The following PCDHA6 variants were observed in gnomAD, a reference collection of about 807,000 sequenced individuals.
PCDHA6 encodes protocadherin alpha-6.
In PCDHA6, 55 loss-of-function variants were observed where a neutral mutation model predicts 60.3. The ratio of observed to expected loss-of-function variants is 0.91; its 90% confidence interval spans 0.73 to 1.14. The LOEUF is 1.14. Among genes scored for constraint, PCDHA6 ranks in the 50% most tolerant of loss-of-function variants. The probability of loss-of-function intolerance (pLI) is 0.00; values close to 1 mark genes in which losing one functional copy is unlikely to be tolerated. For synonymous variants in PCDHA6, 652 were observed against 557.9 expected (o/e 1.17, Z -2.38); for missense variants, 1,327 against 1,256.5 (o/e 1.06, Z -0.85).
At chr5:140,864,124 T>C (rs528215401) in intron 1 of PCDHA6, 4 of 152,368 alleles carry the variant, frequency 2.6e-5, no homozygotes, top group South Asian at 2.1e-4. Flanking sequence ...TGAATTAGAC[T>C]GAGTGGCTGT....
intron 1 of PCDHA6, chr5:140,857,580 C>T: frequency 6.3e-7 from 1 of 1,596,630 alleles, no homozygotes; most frequent in African/African-American, 1.3e-5. Flanking sequence ...TCGGTGCACG[C>T]GGAGAGCGGC....
At chr5:140,838,084 G>A (rs1419465245) in intron 1 of PCDHA6, among the ~76,000 whole-genome samples, 2 of 31,492 alleles carry the variant, frequency 6.4e-5, no homozygotes, top group East Asian at 1.1e-3. Context: ...TATAGTGTGT[G>A]TGTGTGTGTG....
chr5:140,903,211 C>T (rs1457584095), intron 1 of PCDHA6, among the ~76,000 whole-genome samples: 1 of 152,174 alleles, frequency 6.6e-6, no homozygotes, highest in African/African-American at 2.4e-5. Context: ...TCACCACATT[C>T]ATGCCAACAT....
At position 141,011,529 on chromosome 5, in the gene PCDHA6, G is replaced by A. The variant is rs2098420955; in HGVS notation, c.*1592G>A. On this transcript the variant is annotated 3_prime_UTR_variant, in exon 4 of 4. Coordinates refer to ENST00000529310, the MANE Select transcript of PCDHA6 (RefSeq NM_018909.4). ...GTGGAGTAGTGTTTTTTTAACCATT[G>A]TTAATCAGCTTTTGTGTATGAAAGA... 1.3e-5 allele frequency: 2 copies of A among 153,538 alleles called. No homozygotes were observed. The highest frequency in any genetic ancestry group is 3.9e-4 in the East Asian group (2 of 5,188). The allele number at this position is 153,538 out of a possible 1,614,324, so 9.5% of individuals were successfully genotyped here.
Position 140,841,349 on chromosome 5 carries a change from G to A in PCDHA6, c.2394+10864G>A, listed in dbSNP as rs2150314039. The A allele has an allele frequency of 5.3e-5, 86 of 1,612,662 alleles. 1 individual carries two copies. In the East Asian group the frequency reaches 1.9e-3, roughly 36 times the overall value. On this transcript the variant is annotated intron_variant, in intron 1 of 3. Coordinates refer to ENST00000529310, the MANE Select transcript of PCDHA6 (RefSeq NM_018909.4). ...GGATTATCACTGGCGAGGAGAGCTG[G>A]GATCCTGGCGACTACTACTCTTGCT...
Position 140,830,060 on chromosome 5 carries a change from C to A in PCDHA6, c.1969C>A (p.Pro657Thr). ...LLVLVKDHGE[P>T]ALTATATVLV... ...GGTGCTGGTGAAAGACCACGGTGAGCCGGCGCTGACAGCGACGGCCACGGT... is the reference window on the plus strand; with the variant it reads ...GGTGCTGGTGAAAGACCACGGTGAGACGGCGCTGACAGCGACGGCCACGGT... Residue 657 changes from proline (P) to threonine (T), a missense_variant, in exon 1 of 4, where the codon CCG (proline) becomes ACG (threonine). By Grantham distance (38) the Pro-to-Thr change is conservative (BLOSUM62 -1). Transcript: ENST00000529310. The A allele has an allele frequency of 6.2e-7, 1 of 1,613,712 alleles. No homozygotes were observed. Among genetic ancestry groups the A allele is most frequent in the Non-Finnish European group, 8.5e-7 (1 of 1,179,884 alleles).
intron 1 of PCDHA6, among the ~76,000 whole-genome samples, chr5:140,941,150 G>A (rs894422349): frequency 1.1e-4 from 17 of 151,436 alleles, no homozygotes; most frequent in Non-Finnish European, 1.8e-4. Context: ...TAGTTTGGAG[G>A]CCCCATAAGA....
In PCDHA6 at chr5:140,834,800, T is replaced by A; in HGVS notation, c.2394+4315T>A. 3 of 1,612,758 alleles carry A rather than the reference T, an allele frequency of 1.9e-6. No homozygotes were observed. Among genetic ancestry groups the A allele is most frequent in the Non-Finnish European group, 2.5e-6 (3 of 1,179,706 alleles). On this transcript the variant is annotated intron_variant, in intron 1 of 3. Transcript: ENST00000529310. The stretch of plus-strand genomic sequence containing the variant: ...CGGTGTTCCCAGCGACACAAAGGAA[T>A]CTGTTCATCGCGGAATCCAGGCCGC...
intron 1 of PCDHA6, among the ~76,000 whole-genome samples, chr5:140,908,155 G>C (rs559304647): frequency 6.6e-6 from 1 of 152,194 alleles, no homozygotes; most frequent in Non-Finnish European, 1.5e-5. Context: ...TCCTAGGAAG[G>C]GGCTGTAGTG....
intron 1 of PCDHA6, chr5:140,835,840 A>G (rs1773975700): frequency 6.2e-7 from 1 of 1,612,274 alleles, no homozygotes; most frequent in Non-Finnish European, 8.5e-7. Flanking sequence ...GACGCGCAGA[A>G]GAACGCGCTG....
intron 1 of PCDHA6, among the ~76,000 whole-genome samples, chr5:140,892,427 C>T (rs1429226685): frequency 6.6e-6 from 1 of 152,170 alleles, no homozygotes; most frequent in Admixed American, 6.5e-5. Flanking sequence ...GATAAAACCT[C>T]ATTATCTAAA....
intron 1 of PCDHA6, chr5:140,870,717 T>G: frequency 6.2e-7 from 1 of 1,613,180 alleles, no homozygotes. Flanking sequence ...GCGCGCGCGA[T>G]GCGGGCGTGC....
chr5:140,836,467 A>G, intron 1 of PCDHA6: 1 of 1,613,806 alleles, frequency 6.2e-7, no homozygotes, highest in East Asian at 2.2e-5. Context: ...GAGCTGGTGG[A>G]TGTCAACGTG....
At chr5:140,929,057 C>T (rs17844370) in intron 1 of PCDHA6, 1 of 1,614,070 alleles carries the variant, frequency 6.2e-7, no homozygotes, top group Non-Finnish European at 8.5e-7. Flanking sequence ...TGTCGCTCTA[C>T]AGAGGATCTG....
At chr5:140,969,982 G>A (rs1327490843) in intron 1 of PCDHA6, among the ~76,000 whole-genome samples, 1 of 152,184 alleles carries the variant, frequency 6.6e-6, no homozygotes, top group Non-Finnish European at 1.5e-5. Context: ...CAACTCTTCT[G>A]TAGAGGGCTG....
Position 141,000,581 on chromosome 5 carries a change from C to G in PCDHA6, c.2543-9046C>G, listed in dbSNP as rs960660351. On this transcript the variant is annotated intron_variant, in intron 3 of 3. Transcript: ENST00000529310. ...TAGCTGGGATTACAGGTGCCTGCCA[C>G]CATGCCCAGCTAATTTTTGTATTTT... is the stretch of plus-strand genomic sequence containing the variant. 2.0e-5 allele frequency among the ~76,000 whole-genome samples: 3 copies of G among 150,722 alleles called. No individual in the cohort carries two copies. In the East Asian group the frequency reaches 5.8e-4, roughly 29 times the overall value.
Position 140,843,432 on chromosome 5 carries a change from T to C in PCDHA6, c.2394+12947T>C. The C allele has an allele frequency of 3.1e-6, 5 of 1,596,056 alleles. 1 individual carries two copies. The highest frequency in any genetic ancestry group is 4.3e-6 in the Non-Finnish European group (5 of 1,165,572). ...GTCAACGTGTACCTGATCATCGCCA[T>C]CTGCGCGGTATCCAGCCTGCTGGTG... On this transcript the variant is annotated intron_variant, in intron 1 of 3. Coordinates refer to ENST00000529310, the MANE Select transcript of PCDHA6 (RefSeq NM_018909.4).
chr5:140,964,238 T>G (rs1354844619), intron 1 of PCDHA6, among the ~76,000 whole-genome samples: 1 of 152,208 alleles, frequency 6.6e-6, no homozygotes, highest in Admixed American at 6.5e-5. Flanking sequence ...AGGCTGATTG[T>G]GTTGGCTTTA....
rs565233003 is a variant in PCDHA6 at position 140,851,830 on chromosome 5, T to C, written c.2394+21345T>C. 1.2e-5 allele frequency: 12 copies of C among 967,780 alleles called. No homozygotes were observed. In the African/African-American group the frequency reaches 2.1e-4, roughly 17 times the overall value. The allele number at this position is 967,780 out of a possible 1,614,324, so 59.9% of individuals were successfully genotyped here. On this transcript the variant is annotated intron_variant, in intron 1 of 3. Coordinates refer to ENST00000529310, the MANE Select transcript of PCDHA6 (RefSeq NM_018909.4). ...TCCATAAGACAGAAATCTGTTTTTT[T>C]AAAAATATCTTTTTCTCCTCTCAGC...
Sources: allele counts gnomAD v4.1 joint callset (sites outside exome capture counted in the v4.1 genomes callset), GRCh38; gene constraint gnomAD v4.1.1; transcripts MANE v1.5; gene names NCBI Gene and HGNC (gene_info 2026-07-23, HGNC 2026-07-21).